The following ELAVL4 variants were observed in gnomAD, a reference collection of about 807,000 sequenced individuals.
ELAVL4 encodes ELAV-like protein 4.
Under a neutral mutation model 35.6 loss-of-function variants are expected in ELAVL4, and 1 was observed. The ratio of observed to expected loss-of-function variants is 0.03; its 90% CI spans 0.01 to 0.13. ELAVL4 has a LOEUF of 0.13. Ranked by LOEUF, ELAVL4 falls within the 10% of genes least tolerant of loss-of-function variation. The probability of loss-of-function intolerance (pLI) is 1.00; values close to 1 mark genes in which losing one functional copy is unlikely to be tolerated. For missense variants in ELAVL4, 267 were observed against 464.9 expected, an observed-to-expected ratio of 0.57 and a Z score of 3.91; for synonymous variants, 156 against 171.0, an observed-to-expected ratio of 0.91 and a Z score of 0.69.
intron 1 of ELAVL4, among the ~76,000 whole-genome samples, chr1:50,064,096 A>G (rs1664140075): frequency 1.3e-5 from 2 of 152,184 alleles, no homozygotes; most frequent in Non-Finnish European, 2.9e-5. Context: ...GGTGTGTAAT[A>G]GAGAAAGGTG....
chr1:50,048,565 G>T (rs1663191139), intron 1 of ELAVL4, among the ~76,000 whole-genome samples: 1 of 152,202 alleles, frequency 6.6e-6, no homozygotes, highest in South Asian at 2.1e-4. Context: ...AGTTGTCCTC[G>T]AGGTGGCTTT....
At chr1:50,170,434 A>T (rs1678795159) in intron 2 of ELAVL4, among the ~76,000 whole-genome samples, 2 of 152,188 alleles carry the variant, frequency 1.3e-5, no homozygotes, top group African/African-American at 4.8e-5. Flanking sequence ...GGTGTGTAGT[A>T]TCCCCAGAAA....
chr1:50,196,652 G>A (rs1342938526), intron 5 of ELAVL4, among the ~76,000 whole-genome samples: 9 of 152,056 alleles, frequency 5.9e-5, no homozygotes, highest in Admixed American at 3.3e-4. Context: ...ATCCTCTTTC[G>A]TGTCCTCCTA....
chr1:50,154,345 A>T (rs1467007208), intron 2 of ELAVL4, among the ~76,000 whole-genome samples: 1 of 152,038 alleles, frequency 6.6e-6, no homozygotes, highest in African/African-American at 2.4e-5. Flanking sequence ...TTATCTCTCT[A>T]AGGTGATGTA....
chr1:50,089,723 C>T (rs148935736), intron 1 of ELAVL4, among the ~76,000 whole-genome samples: 20 of 152,294 alleles, frequency 1.3e-4, no homozygotes, highest in Non-Finnish European at 2.8e-4. Context: ...CCACTGCACT[C>T]CAGCCTGGGC....
intron 1 of ELAVL4, among the ~76,000 whole-genome samples, chr1:50,130,327 C>T (rs1333736551): frequency 6.6e-6 from 1 of 152,108 alleles, no homozygotes; most frequent in Non-Finnish European, 1.5e-5. Context: ...AGTTACAGTC[C>T]TAGTTAAGTG....
At chr1:50,149,347 G>A (rs940927150) in intron 2 of ELAVL4, among the ~76,000 whole-genome samples, 73 of 151,538 alleles carry the variant, frequency 4.8e-4, no homozygotes, top group African/African-American at 1.4e-3. Context: ...GCATTGAGCT[G>A]AGATTGCGCT....
chr1:50,168,043 G>C (rs1020899332), intron 2 of ELAVL4, among the ~76,000 whole-genome samples: 8 of 152,182 alleles, frequency 5.3e-5, no homozygotes, highest in African/African-American at 9.7e-5. Flanking sequence ...CTACTGGGAA[G>C]ATTACCCTTC....
chr1:50,135,293 C>G (rs953740005), intron 1 of ELAVL4, among the ~76,000 whole-genome samples: 1 of 152,024 alleles, frequency 6.6e-6, no homozygotes, highest in African/African-American at 2.4e-5. Flanking sequence ...AAAGAGTTGA[C>G]AAATAAACAA....
At chr1:50,074,242 T>A (rs1398198648) in intron 1 of ELAVL4, among the ~76,000 whole-genome samples, 3 of 152,196 alleles carry the variant, frequency 2.0e-5, no homozygotes, top group African/African-American at 7.2e-5. Context: ...GTGAGTTCCT[T>A]GAGGAGCCAG....
chr1:50,136,635 C>A (rs181186299), intron 1 of ELAVL4, among the ~76,000 whole-genome samples: 2 of 152,236 alleles, frequency 1.3e-5, no homozygotes, highest in Admixed American at 1.3e-4. Context: ...CAGGTGTACA[C>A]ACCTGAGACA....
chr1:50,048,190 C>G, intron 1 of ELAVL4: 1 of 1,520,390 alleles, frequency 6.6e-7, no homozygotes, highest in Non-Finnish European at 8.8e-7. Context: ...CAGGTAGAAG[C>G]GCCTCGGCGC....
chr1:50,168,736 G>A (rs1461992235), intron 2 of ELAVL4, among the ~76,000 whole-genome samples: 3 of 151,958 alleles, frequency 2.0e-5, no homozygotes, highest in Admixed American at 2.0e-4. Flanking sequence ...CTCTAAACAG[G>A]TCATGCCAAA....
chr1:50,102,054 G>A (rs995570041), upstream of ELAVL4, among the ~76,000 whole-genome samples: 6 of 152,278 alleles, frequency 3.9e-5, no homozygotes, highest in South Asian at 4.1e-4. Context: ...TGGGGAGGCC[G>A]TGGCGGGCAG....
chr1:50,176,066 A>G (rs1212005407), intron 2 of ELAVL4, among the ~76,000 whole-genome samples: 4 of 152,186 alleles, frequency 2.6e-5, no homozygotes, highest in Non-Finnish European at 4.4e-5. Context: ...TCCTAATGAT[A>G]TTTCTGGCTG....
chr1:50,173,486 G>A (rs181809088), intron 2 of ELAVL4, among the ~76,000 whole-genome samples: 1 of 152,328 alleles, frequency 6.6e-6, no homozygotes, highest in East Asian at 1.9e-4. Flanking sequence ...TGCATTTCCT[G>A]CCCATGCATG....
chr1:50,176,841 T>C (rs1014978627), intron 2 of ELAVL4, among the ~76,000 whole-genome samples: 1 of 152,228 alleles, frequency 6.6e-6, no homozygotes, highest in Non-Finnish European at 1.5e-5. Flanking sequence ...CAGGGGCACT[T>C]ACCCAGTTTT....
chr1:50,119,088 GAAAGAA>G (rs201392437), intron 1 of ELAVL4, among the ~76,000 whole-genome samples: 9,142 of 129,098 alleles, frequency 0.071, 408 homozygotes, highest in African/African-American at 0.098. Flanking sequence ...AAGAAAGAAA[GAAAGAA>G]AAAGAAAAAG....
intron 2 of ELAVL4, among the ~76,000 whole-genome samples, chr1:50,159,070 C>G (rs1676279019): frequency 6.6e-6 from 1 of 151,074 alleles, no homozygotes; most frequent in Admixed American, 6.6e-5. Flanking sequence ...AAGAAATACT[C>G]TGTGGCTTGG....
Sources: allele counts gnomAD v4.1 joint callset (sites outside exome capture counted in the v4.1 genomes callset), GRCh38; gene constraint gnomAD v4.1.1; transcripts MANE v1.5; gene names NCBI Gene and HGNC (gene_info 2026-07-23, HGNC 2026-07-21).